The following TRAPPC9 variants were observed in gnomAD, a reference collection of about 807,000 sequenced individuals.
TRAPPC9 encodes the protein trafficking protein particle complex subunit 9.
A neutral mutation model predicts 124.0 loss-of-function variants in TRAPPC9; 83 were observed. The observed-to-expected ratio is 0.67, with a 90% CI of 0.56 to 0.80. The LOEUF (loss-of-function observed/expected upper bound fraction) is 0.80. Ranked by LOEUF, TRAPPC9 falls within the 30% of genes least tolerant of loss-of-function variation. TRAPPC9 has a pLI of 0.00. For missense variants in TRAPPC9, 1,302 were observed against 1,508.3 expected, an observed-to-expected ratio of 0.86 and a Z score of 2.27; for synonymous variants, 638 against 617.5, an observed-to-expected ratio of 1.03 and a Z score of -0.49.
At chr8:139,848,635 C>T (rs1475037495) in intron 21 of TRAPPC9, among the ~76,000 whole-genome samples, 1 of 152,136 alleles carries the variant, frequency 6.6e-6, no homozygotes, top group Non-Finnish European at 1.5e-5. Context: ...CAGCTCTCCC[C>T]ATATAAATAT....
At chr8:139,763,238 T>C (rs1820358769) in intron 21 of TRAPPC9, among the ~76,000 whole-genome samples, 1 of 152,180 alleles carries the variant, frequency 6.6e-6, no homozygotes, top group African/African-American at 2.4e-5. Context: ...AGCCATTTGG[T>C]TAAAACCACA....
chr8:140,360,262 T>C (rs1017541012), intron 8 of TRAPPC9, 69 bp from the exon 9 acceptor site: 15 of 1,599,500 alleles, frequency 9.4e-6, no homozygotes, highest in South Asian at 3.4e-5. Context: ...TTAATCTAAG[T>C]TGTAAAACTT....
rs753978789 is a variant in TRAPPC9, at chr8:140,283,108, C to CA, written c.2114+780dup. On this transcript the variant is annotated intron_variant, in intron 14 of 22. Coordinates refer to ENST00000438773, the MANE Select transcript of TRAPPC9 (RefSeq NM_001160372.4). ...CAAAAATTGGCCAGGCGTAGTGGTA[C>CA]AAACCTGTAGTCCCAGCTACTTAGG... 1.4e-4 allele frequency among the ~76,000 whole-genome samples: 21 copies of CA among 151,746 alleles called. No individual in the cohort carries two copies. The East Asian group carries it at 4.1e-3, about 30-fold the overall frequency.
chr8:140,300,544 C>A lies in TRAPPC9; in HGVS notation c.1693G>T (p.Val565Leu). The A allele has an allele frequency of 3.7e-6, 6 of 1,614,210 alleles. No homozygotes were observed. The highest frequency in any genetic ancestry group is 5.1e-6 in the Non-Finnish European group (6 of 1,180,036). Residue 565 changes from valine (V) to leucine (L), a missense_variant, in exon 11 of 23, where the codon GTG becomes TTG. Coordinates refer to ENST00000438773, the MANE Select transcript of TRAPPC9 (RefSeq NM_001160372.4). ...TAGATGAAAGGACTTTTGGTTGACACGTTCTGACCCAGCAAGCTTTTCATT... is the reference window on the plus strand; with the variant it reads ...TAGATGAAAGGACTTTTGGTTGACAAGTTCTGACCCAGCAAGCTTTTCATT... The part of the protein sequence containing the change: ...HKMKSLLGQN[V>L]STKSPFIYSP...
intron 14 of TRAPPC9, among the ~76,000 whole-genome samples, chr8:140,279,757 A>G (rs185356209): frequency 6.6e-6 from 1 of 152,340 alleles, no homozygotes; most frequent in Admixed American, 6.5e-5. Flanking sequence ...ATGATTCTAA[A>G]CACAGGAGAA....
chr8:140,055,090 T>A (rs541709888), intron 17 of TRAPPC9, among the ~76,000 whole-genome samples: 1 of 152,284 alleles, frequency 6.6e-6, no homozygotes, highest in Admixed American at 6.5e-5. Context: ...AGAACCTTAT[T>A]AAAAACTACA....
intron 6 of TRAPPC9, among the ~76,000 whole-genome samples, chr8:140,403,144 G>A (rs1371963055): frequency 6.6e-6 from 1 of 152,042 alleles, no homozygotes; most frequent in Non-Finnish European, 1.5e-5. Context: ...GTATTTCTAA[G>A]CAGGCCAGGT....
chr8:140,297,653 C>T (rs1436221474), intron 11 of TRAPPC9, among the ~76,000 whole-genome samples: 2 of 152,254 alleles, frequency 1.3e-5, no homozygotes, highest in Non-Finnish European at 2.9e-5. Flanking sequence ...GTGTCTGAGC[C>T]TCCAGAGGGC....
At chr8:140,152,235 TAAAAAAAAAAA>T (rs71320343) in intron 17 of TRAPPC9, among the ~76,000 whole-genome samples, 1 of 106,710 alleles carries the variant, frequency 9.4e-6, no homozygotes, top group Admixed American at 1.0e-4. Flanking sequence ...ACTTAAGCTT[TAAAAAAAAAAA>T]AAAAAAAAAA....
At chr8:140,192,198 A>G (rs1187159310) in intron 17 of TRAPPC9, among the ~76,000 whole-genome samples, 1 of 152,258 alleles carries the variant, frequency 6.6e-6, no homozygotes, top group Non-Finnish European at 1.5e-5. Context: ...CCAGATCCAG[A>G]CAATGAAGGC....
At chr8:140,044,470 C>T (rs369059776) in intron 17 of TRAPPC9, among the ~76,000 whole-genome samples, 2 of 152,170 alleles carry the variant, frequency 1.3e-5, no homozygotes, top group Admixed American at 1.3e-4. Context: ...TCCATACGTG[C>T]CCAACTTTGA....
chr8:140,347,462 G>A (rs949300373), intron 9 of TRAPPC9, among the ~76,000 whole-genome samples: 1 of 152,190 alleles, frequency 6.6e-6, no homozygotes, highest in African/African-American at 2.4e-5. Flanking sequence ...AAGCTCCTGT[G>A]AGTCCTCTTT....
At chr8:139,800,796 CGGT>C (rs1823450454) in intron 21 of TRAPPC9, among the ~76,000 whole-genome samples, 1 of 151,202 alleles carries the variant, frequency 6.6e-6, no homozygotes, top group Admixed American at 6.6e-5. Flanking sequence ...TCCCTCCGTC[CGGT>C]ATCTTTACCT....
At chr8:139,843,292 G>A (rs1826858304) in intron 21 of TRAPPC9, among the ~76,000 whole-genome samples, 1 of 152,222 alleles carries the variant, frequency 6.6e-6, no homozygotes, top group African/African-American at 2.4e-5. Flanking sequence ...GCCAGCAGGA[G>A]GGCGGCAGGG....
intron 9 of TRAPPC9, among the ~76,000 whole-genome samples, chr8:140,354,029 G>T (rs7840390): frequency 0.24 from 37,269 of 152,198 alleles, 4,868 homozygotes; most frequent in Non-Finnish European, 0.28. Context: ...GACAGTAATG[G>T]AAACGGCATG....
rs1053014845 is a variant in TRAPPC9 at position 139,963,469 on chromosome 8, T to G, written c.2810+25257A>C. Among the ~76,000 whole-genome samples, 48 of 152,202 alleles carry G rather than the reference T, an allele frequency of 3.2e-4. No homozygotes were observed. The East Asian group carries it at 8.3e-3, about 26-fold the overall frequency. On this transcript the variant is annotated intron_variant, in intron 19 of 22. Transcript: ENST00000438773. ...TTTCATTTCATCCTTATTCCCTGGG[T>G]GAGCGTGGCTTCCTGTGGCCATGTA...
chr8:140,183,942 GAGAGGAGAGGGGAGGGGAGGGAGGAGGGA>G lies in TRAPPC9; in HGVS notation c.2556+37488_2556+37516del, dbSNP rs1563826064. On this transcript the variant is annotated intron_variant, in intron 17 of 22. Coordinates refer to ENST00000438773, the MANE Select transcript of TRAPPC9 (RefSeq NM_001160372.4). The stretch of plus-strand genomic sequence containing the variant: ...GAGAGGAGAGGAGAGGAGAGGAGAG[GAGAGGAGAGGGGAGGGGAGGGAGGAGGGA>G]GGAGGGAGGAGGGAGGAGGGAGGAG... Among the ~76,000 whole-genome samples the G allele has an allele frequency of 1.0e-3, 57 of 57,130 alleles. 3 individuals are homozygous for G. In the East Asian group the frequency reaches 0.031, roughly 31 times the overall value. 37.5% of individuals were successfully genotyped at this position (57,130 alleles called of 152,430 possible).
chr8:140,430,814 A>AT (rs1045132126), intron 4 of TRAPPC9, among the ~76,000 whole-genome samples: 10 of 151,756 alleles, frequency 6.6e-5, no homozygotes, highest in South Asian at 6.3e-4. Context: ...AATTTTTTGT[A>AT]TTTTTTGTAG....
intron 19 of TRAPPC9, among the ~76,000 whole-genome samples, chr8:139,956,492 C>T (rs1405245864): frequency 6.6e-6 from 1 of 152,206 alleles, no homozygotes; most frequent in African/African-American, 2.4e-5. Flanking sequence ...CATGTGTCTC[C>T]ATCAGCTGCC....
Sources: allele counts gnomAD v4.1 joint callset (sites outside exome capture counted in the v4.1 genomes callset), GRCh38; gene constraint gnomAD v4.1.1; transcripts MANE v1.5; gene names NCBI Gene and HGNC (gene_info 2026-07-23, HGNC 2026-07-21).